The following ADGRL4 variants were observed in gnomAD, a reference collection of about 807,000 sequenced individuals.
The protein encoded by ADGRL4 is adhesion G protein-coupled receptor L4, also known as EGF, latrophilin and seven transmembrane domain containing 1.
Under a neutral mutation model 74.8 loss-of-function variants are expected in ADGRL4, and 90 were observed. The ratio of observed to expected loss-of-function variants is 1.20; its 90% CI spans 1.02 to 1.43. ADGRL4 has a LOEUF of 1.43. Ranked by LOEUF, ADGRL4 falls within the 40% of genes most tolerant of loss-of-function variation. The pLI is 0.00. For missense variants in ADGRL4, 881 were observed against 814.3 expected (o/e 1.08, Z -1.00); for synonymous variants, 311 against 279.2 (o/e 1.11, Z -1.14).
chr1:78,911,822 T>C (rs1648768713), intron 12 of ADGRL4, among the ~76,000 whole-genome samples: 1 of 151,938 alleles, frequency 6.6e-6, no homozygotes, highest in African/African-American at 2.4e-5. Flanking sequence ...AAAGTTGTTA[T>C]TGCTGTTTTT....
intron 3 of ADGRL4, among the ~76,000 whole-genome samples, chr1:78,943,045 T>C (rs1649520696): frequency 6.6e-6 from 1 of 152,122 alleles, no homozygotes; most frequent in East Asian, 1.9e-4. Flanking sequence ...CATATGATGG[T>C]TATGATTCTT....
intron 2 of ADGRL4, among the ~76,000 whole-genome samples, chr1:78,968,061 C>T (rs1312860475): frequency 6.6e-6 from 1 of 152,038 alleles, no homozygotes; most frequent in African/African-American, 2.4e-5. Context: ...AAATGATGTT[C>T]AATCTTCTTT....
intron 2 of ADGRL4, among the ~76,000 whole-genome samples, chr1:78,991,742 CA>C (rs1455274098): frequency 6.6e-6 from 1 of 151,882 alleles, no homozygotes; most frequent in Non-Finnish European, 1.5e-5. Flanking sequence ...GTTAATTACA[CA>C]AAACCTACTT....
chr1:78,960,817 G>A (rs757317919), intron 2 of ADGRL4, among the ~76,000 whole-genome samples: 21 of 152,122 alleles, frequency 1.4e-4, no homozygotes, highest in Non-Finnish European at 2.1e-4. Flanking sequence ...CCAAAAAGCA[G>A]ATCCTCACCA....
intron 2 of ADGRL4, among the ~76,000 whole-genome samples, chr1:78,984,762 T>C (rs951947893): frequency 6.6e-6 from 1 of 151,708 alleles, no homozygotes; most frequent in African/African-American, 2.4e-5. Context: ...CCTAGAAATT[T>C]CTCCTAGAAA....
chr1:78,905,942 G>A (rs1390685027), intron 12 of ADGRL4, among the ~76,000 whole-genome samples: 1 of 151,866 alleles, frequency 6.6e-6, no homozygotes, highest in Non-Finnish European at 1.5e-5. Context: ...ATAATATATG[G>A]CAACAGAAAC....
At chr1:78,972,045 G>C (rs112089031) in intron 2 of ADGRL4, among the ~76,000 whole-genome samples, 1 of 152,208 alleles carries the variant, frequency 6.6e-6, no homozygotes. Flanking sequence ...GTGCACCACC[G>C]TGCCCGGCCA....
At chr1:78,945,057 C>T (rs12041776) in intron 3 of ADGRL4, among the ~76,000 whole-genome samples, 11,216 of 151,086 alleles carry the variant, frequency 0.074, 613 homozygotes, top group East Asian at 0.33. Context: ...CCCAGCTACT[C>T]GGTAGGCTGA....
chr1:78,923,179 G>C (rs1353539253), intron 8 of ADGRL4, among the ~76,000 whole-genome samples: 1 of 151,838 alleles, frequency 6.6e-6, no homozygotes, highest in African/African-American at 2.4e-5. Flanking sequence ...GAAAGTAGAG[G>C]GACTCAAGAA....
At chr1:78,992,092 A>G (rs897404810) in intron 2 of ADGRL4, among the ~76,000 whole-genome samples, 5 of 152,086 alleles carry the variant, frequency 3.3e-5, no homozygotes, top group African/African-American at 1.2e-4. Context: ...CAAATGGCAC[A>G]AGACTTTGTA....
At chr1:78,990,926 A>G (rs1287202619) in intron 2 of ADGRL4, among the ~76,000 whole-genome samples, 2 of 152,000 alleles carry the variant, frequency 1.3e-5, no homozygotes, top group Non-Finnish European at 2.9e-5. Flanking sequence ...AAGGATATAC[A>G]ACTCTCTTAT....
chr1:78,891,083 T>G lies in ADGRL4; in HGVS notation c.*71A>C. The stretch of plus-strand genomic sequence containing the variant: ...AATTGGATAATTTGATGAGTCATTT[T>G]TATACATTGGTCATCCACAGCTTGG... On this transcript the variant is annotated 3_prime_UTR_variant, in exon 15 of 15. Coordinates refer to ENST00000370742, the MANE Select transcript of ADGRL4 (RefSeq NM_022159.4). 6.9e-7 allele frequency: 1 copy of G among 1,444,352 alleles called. No homozygotes were observed. The highest frequency in any genetic ancestry group is 9.7e-7 in the Non-Finnish European group (1 of 1,026,954). 89.5% of individuals were successfully genotyped at this position (1,444,352 alleles called of 1,614,324 possible).
intron 2 of ADGRL4, among the ~76,000 whole-genome samples, chr1:78,954,741 T>A (rs376042209): frequency 2.0e-5 from 3 of 152,102 alleles, no homozygotes; most frequent in Non-Finnish European, 1.5e-5. Context: ...ATTAAAAAAT[T>A]GTAGTTAGAA....
At chr1:78,911,436 C>A (rs746092822) in intron 12 of ADGRL4, among the ~76,000 whole-genome samples, 1 of 151,684 alleles carries the variant, frequency 6.6e-6, no homozygotes, top group Non-Finnish European at 1.5e-5. Flanking sequence ...TGTTAAGTTT[C>A]TATTGGTTTT....
At chr1:78,996,140 A>G (rs982963235) in intron 2 of ADGRL4, among the ~76,000 whole-genome samples, 2 of 152,222 alleles carry the variant, frequency 1.3e-5, no homozygotes. Context: ...ATGAAAGTAG[A>G]TGGATGTAGA....
intron 2 of ADGRL4, among the ~76,000 whole-genome samples, chr1:78,956,951 G>T (rs899871158): frequency 6.6e-6 from 1 of 152,026 alleles, no homozygotes; most frequent in Non-Finnish European, 1.5e-5. Flanking sequence ...AAAAGCACGC[G>T]CTCACTTCAA....
At chr1:78,901,124 A>T (rs1336201800) in intron 12 of ADGRL4, among the ~76,000 whole-genome samples, 2 of 152,190 alleles carry the variant, frequency 1.3e-5, no homozygotes, top group Non-Finnish European at 2.9e-5. Flanking sequence ...TCCAAATATT[A>T]ATATTAATTC....
intron 12 of ADGRL4, among the ~76,000 whole-genome samples, chr1:78,915,080 C>G (rs192962174): frequency 6.6e-6 from 1 of 152,034 alleles, no homozygotes; most frequent in East Asian, 1.9e-4. Flanking sequence ...ATGACCTAGG[C>G]AGACCTGCAA....
At chr1:78,999,540 T>C (rs1650792236) in intron 2 of ADGRL4, among the ~76,000 whole-genome samples, 1 of 152,076 alleles carries the variant, frequency 6.6e-6, no homozygotes, top group Admixed American at 6.5e-5. Flanking sequence ...ACCACTGCAC[T>C]CTAGCTTGGG....
Sources: allele counts gnomAD v4.1 joint callset (sites outside exome capture counted in the v4.1 genomes callset), GRCh38; gene constraint gnomAD v4.1.1; transcripts MANE v1.5; gene names NCBI Gene and HGNC (gene_info 2026-07-23, HGNC 2026-07-21).